Variants in ATP2C1 observed in about 807,000 individuals in gnomAD.
ATP2C1 encodes ATPase secretory pathway Ca2+ transporting 1.
ATP2C1 carries 31 observed loss-of-function variants against 120.5 expected under a neutral mutation model. The ratio of observed to expected loss-of-function variants is 0.26; its 90% CI spans 0.19 to 0.35. ATP2C1 has a LOEUF of 0.35. Among genes scored for constraint, ATP2C1 ranks in the 10% least tolerant of loss-of-function variants. ATP2C1 has a pLI of 1.00. For missense variants in ATP2C1, 731 were observed against 1,107.5 expected (o/e 0.66, Z 4.83); for synonymous variants, 351 against 358.7 (o/e 0.98, Z 0.24).
intron 2 of ATP2C1, among the ~76,000 whole-genome samples, chr3:130,913,581 C>G (rs1225429145): frequency 2.0e-5 from 3 of 152,208 alleles, no homozygotes; most frequent in Non-Finnish European, 4.4e-5. Flanking sequence ...TTCTCCTTTT[C>G]CAAAGTTAAA....
intron 7 of ATP2C1, 137 bp downstream of exon 7, chr3:130,940,828 G>C: frequency 1.4e-6 from 1 of 714,056 alleles, no homozygotes; most frequent in Non-Finnish European, 2.4e-6. Flanking sequence ...AAAGTTCCTG[G>C]TCTCATTAAT....
At chr3:130,993,090 C>A in intron 21 of ATP2C1, 89 bp downstream of exon 21, 2 of 1,139,346 alleles carry the variant, frequency 1.8e-6, no homozygotes, top group Non-Finnish European at 2.6e-6. Flanking sequence ...GGGAGTAGAG[C>A]ATCAAGGTCA....
chr3:130,889,031 A>G (rs530444793), intron 1 of ATP2C1, among the ~76,000 whole-genome samples: 4 of 152,376 alleles, frequency 2.6e-5, no homozygotes, highest in South Asian at 2.1e-4. Context: ...TATTTACCCA[A>G]TTATTCCAGT....
chr3:130,967,049 T>G (rs1434921199), intron 14 of ATP2C1, 96 bp from the exon 15 acceptor site: 1 of 875,576 alleles, frequency 1.1e-6, no homozygotes, highest in South Asian at 1.3e-5. Context: ...ATAAATAAAA[T>G]GAACAGAACT....
chr3:130,851,875 T>A (rs1024098100), intron 1 of ATP2C1, among the ~76,000 whole-genome samples: 1 of 152,198 alleles, frequency 6.6e-6, no homozygotes, highest in Non-Finnish European at 1.5e-5. Context: ...TTTTTTCTCC[T>A]TTGTGATATG....
Position 131,016,432 on chromosome 3 carries a change from G to T in ATP2C1, c.*243G>T, listed in dbSNP as rs867834225. On this transcript the variant is annotated 3_prime_UTR_variant, in exon 27 of 27. Coordinates refer to the ATP2C1 transcript ENST00000328560. ...ATATACTACAAATTCTATAAAGAAA[G>T]AAATTAATTTAAAAAAACTAAGATG... The T allele has an allele frequency of 2.2e-5, 30 of 1,386,554 alleles. No individual in the cohort carries two copies. In the Admixed American group the frequency reaches 5.2e-4, roughly 24 times the overall value. The allele number at this position is 1,386,554 out of a possible 1,614,324, so 85.9% of individuals were successfully genotyped here.
chr3:130,875,918 T>A (rs1454960160), intron 1 of ATP2C1, among the ~76,000 whole-genome samples: 1 of 152,102 alleles, frequency 6.6e-6, no homozygotes, highest in Non-Finnish European at 1.5e-5. Context: ...GCCATTTGCT[T>A]TGAGAAGTGT....
At chr3:130,985,668 A>C (rs1181422245) in intron 20 of ATP2C1, among the ~76,000 whole-genome samples, 1 of 151,830 alleles carries the variant, frequency 6.6e-6, no homozygotes, top group Non-Finnish European at 1.5e-5. Context: ...CAAAAAAAAA[A>C]ACCAAATTAA....
At chr3:130,907,106 G>A (rs2058164810) in intron 2 of ATP2C1, among the ~76,000 whole-genome samples, 1 of 149,546 alleles carries the variant, frequency 6.7e-6, no homozygotes, top group South Asian at 2.1e-4. Flanking sequence ...ACACACATAC[G>A]TTTATTCTGG....
intron 12 of ATP2C1, among the ~76,000 whole-genome samples, chr3:130,962,715 T>TAAAA (rs71133621): frequency 4.4e-5 from 5 of 114,164 alleles, no homozygotes; most frequent in Non-Finnish European, 5.4e-5. Flanking sequence ...ATGGAAGCAT[T>TAAAA]AAAAAAAAAA....
intron 8 of ATP2C1, among the ~76,000 whole-genome samples, chr3:130,951,909 A>G (rs1296002453): frequency 6.6e-6 from 1 of 152,190 alleles, no homozygotes; most frequent in Non-Finnish European, 1.5e-5. Context: ...ATTTATTTTC[A>G]TGATGAATAT....
intron 1 of ATP2C1, among the ~76,000 whole-genome samples, chr3:130,866,662 G>A (rs2068187143): frequency 6.6e-6 from 1 of 152,204 alleles, no homozygotes; most frequent in South Asian, 2.1e-4. Context: ...TAAGAGGGGA[G>A]AAGTATGATT....
chr3:130,876,634 G>GT (rs1436100752), intron 1 of ATP2C1, among the ~76,000 whole-genome samples: 2 of 152,090 alleles, frequency 1.3e-5, no homozygotes, highest in Admixed American at 6.6e-5. Context: ...TTTTAAGACT[G>GT]TTTTTTCTAT....
rs2069364579 is a variant in ATP2C1, at chr3:130,894,192, C to A, written c.-326C>A. On this transcript the variant is annotated 5_prime_UTR_variant, in exon 1 of 28. Transcript: ENST00000510168. This position sits in a 1 kb window ranked among gnomAD's most constrained non-coding sequence, Gnocchi z 4.5. ...TCTCTCCCTCCCTTCCTCCCTCCCG[C>A]TCGCTTCTTCTCACGCCGGGAGCAG... The A allele has an allele frequency of 1.0e-6, 1 of 983,806 alleles. No homozygotes were observed. Among genetic ancestry groups the A allele is most frequent in the African/African-American group, 1.8e-5 (1 of 57,046 alleles). The allele number at this position is 983,806 out of a possible 1,614,324, so 60.9% of individuals were successfully genotyped here. A position where few individuals can be genotyped will look rare whatever the true frequency, so the allele number is the denominator to read the frequency against.
chr3:130,934,511 A>G (rs2059582622), intron 4 of ATP2C1, 111 bp from the exon 5 acceptor site: 1 of 720,506 alleles, frequency 1.4e-6, no homozygotes, highest in East Asian at 2.6e-5. Flanking sequence ...CTGAGTATAG[A>G]CTTTTGTAAT....
At chr3:131,013,018 C>T (rs1240157217) in intron 26 of ATP2C1, among the ~76,000 whole-genome samples, 1 of 152,128 alleles carries the variant, frequency 6.6e-6, no homozygotes, top group Non-Finnish European at 1.5e-5. Context: ...TGGAATATAC[C>T]AGTGGGAGAG....
At chr3:130,953,778 T>C in intron 8 of ATP2C1, 43 bp from the exon 9 acceptor site, 1 of 1,608,728 alleles carries the variant, frequency 6.2e-7, no homozygotes, top group Admixed American at 1.7e-5. Flanking sequence ...AGATGTTAAA[T>C]GTAGCACAAA....
At chr3:130,896,429 ATTC>A (rs1181544199) in intron 2 of ATP2C1, among the ~76,000 whole-genome samples, 1 of 152,118 alleles carries the variant, frequency 6.6e-6, no homozygotes, top group African/African-American at 2.4e-5. Context: ...CTGTCCCGTT[ATTC>A]TTGACCATCA....
At chr3:131,011,228 AT>A (rs1384091611) in intron 26 of ATP2C1, among the ~76,000 whole-genome samples, 3 of 152,226 alleles carry the variant, frequency 2.0e-5, no homozygotes, top group African/African-American at 7.2e-5. Flanking sequence ...CAGGATGCAT[AT>A]TAAACTTTCA....
Sources: allele counts gnomAD v4.1 joint callset (sites outside exome capture counted in the v4.1 genomes callset), GRCh38; gene constraint gnomAD v4.1.1; non-coding constraint Gnocchi (gnomAD v3.1); transcripts MANE v1.5; gene names NCBI Gene and HGNC (gene_info 2026-07-23, HGNC 2026-07-21).